ADAMTS6: variants seen among roughly 807,000 people sequenced by gnomAD.
ADAMTS6 encodes the protein A disintegrin and metalloproteinase with thrombospondin motifs 6.
A neutral mutation model predicts 144.3 loss-of-function variants in ADAMTS6; 23 were observed. That is an observed-to-expected ratio of 0.16 (90% confidence interval 0.11 to 0.23). The LOEUF (loss-of-function observed/expected upper bound fraction) is 0.23, where lower values mean the gene tolerates loss of function less well. Among genes scored for constraint, ADAMTS6 ranks in the 10% least tolerant of loss-of-function variants. The pLI is 1.00. For synonymous variants in ADAMTS6, 444 were observed against 457.5 expected (o/e 0.97, Z 0.38); for missense variants, 999 against 1,379.6 (o/e 0.72, Z 4.37).
intron 7 of ADAMTS6, among the ~76,000 whole-genome samples, chr5:65,430,537 A>G (rs1478653880): frequency 6.6e-6 from 1 of 152,180 alleles, no homozygotes. Context: ...GACAAGACCT[A>G]TAAACTTTTT....
chr5:65,217,169 A>G (rs1246518258), intron 18 of ADAMTS6, among the ~76,000 whole-genome samples: 1 of 152,230 alleles, frequency 6.6e-6, no homozygotes, highest in Admixed American at 6.5e-5. Flanking sequence ...GATAGGAACA[A>G]GCAAATAGAA....
intron 3 of ADAMTS6, among the ~76,000 whole-genome samples, chr5:65,466,239 T>G (rs1759990688): frequency 6.6e-6 from 1 of 152,212 alleles, no homozygotes; most frequent in Non-Finnish European, 1.5e-5. Context: ...CCAGTTTCCT[T>G]TCTGACCTCA....
At chr5:65,451,393 T>G in intron 7 of ADAMTS6, 82 bp downstream of exon 7, 20 of 1,517,632 alleles carry the variant, frequency 1.3e-5, no homozygotes, top group East Asian at 2.3e-5. Flanking sequence ...ATTATCTGAA[T>G]GAGGCTTTAC....
intron 7 of ADAMTS6, among the ~76,000 whole-genome samples, chr5:65,391,558 T>A (rs1214894666): frequency 6.6e-6 from 1 of 152,088 alleles, no homozygotes; most frequent in Non-Finnish European, 1.5e-5. Context: ...AAATTTACAT[T>A]GCAACACTTT....
intron 3 of ADAMTS6, among the ~76,000 whole-genome samples, chr5:65,465,749 CT>C (rs1197001989): frequency 1.3e-5 from 2 of 152,180 alleles, no homozygotes; most frequent in Admixed American, 1.3e-4. Flanking sequence ...GAAATATTTC[CT>C]TCTGGCTTCC....
intron 15 of ADAMTS6, among the ~76,000 whole-genome samples, chr5:65,230,626 T>C (rs1256161148): frequency 1.2e-4 from 13 of 109,020 alleles, no homozygotes; most frequent in Non-Finnish European, 1.9e-4. Flanking sequence ...AACACATATG[T>C]ATGAAATATA....
chr5:65,403,774 A>G (rs1045181578), intron 7 of ADAMTS6, among the ~76,000 whole-genome samples: 4 of 152,086 alleles, frequency 2.6e-5, no homozygotes, highest in Admixed American at 1.3e-4. Context: ...TACAAATAAT[A>G]TAACTCTCTA....
intron 9 of ADAMTS6, among the ~76,000 whole-genome samples, chr5:65,309,429 G>A (rs1744257968): frequency 6.8e-6 from 1 of 147,736 alleles, no homozygotes; most frequent in Non-Finnish European, 1.5e-5. Context: ...GACAGGAGGT[G>A]GAGCTCAGGC....
intron 7 of ADAMTS6, among the ~76,000 whole-genome samples, chr5:65,413,179 G>C (rs370887365): frequency 6.6e-6 from 1 of 152,088 alleles, no homozygotes; most frequent in Non-Finnish European, 1.5e-5. Flanking sequence ...ACTAAAACAG[G>C]CTCAGCGGGC....
chr5:65,462,352 A>G (rs1759691895), intron 3 of ADAMTS6, among the ~76,000 whole-genome samples: 1 of 152,208 alleles, frequency 6.6e-6, no homozygotes, highest in African/African-American at 2.4e-5. Context: ...ACCAGACAAG[A>G]GACTTGATTT....
intron 11 of ADAMTS6, among the ~76,000 whole-genome samples, chr5:65,287,794 T>C (rs184457541): frequency 2.6e-3 from 392 of 152,242 alleles, no homozygotes; most frequent in African/African-American, 8.7e-3. Context: ...GTTCCCAAAG[T>C]GCTGGGATTA....
intron 3 of ADAMTS6, among the ~76,000 whole-genome samples, chr5:65,468,737 A>T (rs1266216955): frequency 6.6e-6 from 1 of 152,216 alleles, no homozygotes; most frequent in Non-Finnish European, 1.5e-5. Context: ...CATCTCCTTC[A>T]TTGTAGAAAA....
chr5:65,176,866 G>A (rs1423822444), intron 22 of ADAMTS6, among the ~76,000 whole-genome samples: 4 of 152,192 alleles, frequency 2.6e-5, no homozygotes, highest in Admixed American at 6.5e-5. Flanking sequence ...AAAAATAGGT[G>A]CTAAAGGAAA....
chr5:65,445,642 C>T (rs1231146958), intron 7 of ADAMTS6, among the ~76,000 whole-genome samples: 1 of 152,034 alleles, frequency 6.6e-6, no homozygotes, highest in African/African-American at 2.4e-5. Context: ...ACACAGAGCC[C>T]CCCTCTTTCA....
chr5:65,462,273 T>TAG (rs767033770), intron 3 of ADAMTS6, among the ~76,000 whole-genome samples: 35 of 152,186 alleles, frequency 2.3e-4, no homozygotes, highest in Admixed American at 4.6e-4. Context: ...AAGCAAGGTC[T>TAG]AGGCTACAGT....
At chr5:65,404,895 G>C (rs1163461823) in intron 7 of ADAMTS6, among the ~76,000 whole-genome samples, 2 of 152,188 alleles carry the variant, frequency 1.3e-5, no homozygotes, top group Non-Finnish European at 1.5e-5. Flanking sequence ...CTGATGGCCA[G>C]TGATGATGAG....
intron 7 of ADAMTS6, among the ~76,000 whole-genome samples, chr5:65,371,330 G>A (rs1408810907): frequency 3.3e-5 from 5 of 152,220 alleles, no homozygotes; most frequent in African/African-American, 7.2e-5. Flanking sequence ...TCCGAACTAC[G>A]GGAGGACATT....
At chr5:65,216,810 C>CACACACACACACACACAG (rs1756957756) in intron 18 of ADAMTS6, among the ~76,000 whole-genome samples, 1 of 148,482 alleles carries the variant, frequency 6.7e-6, no homozygotes, top group Non-Finnish European at 1.5e-5. Context: ...CACACACACA[C>CACACACACACACACACAG]AGTTTAAAAG....
chr5:65,269,471 A>G (rs1431445191), intron 12 of ADAMTS6, among the ~76,000 whole-genome samples: 2 of 152,198 alleles, frequency 1.3e-5, no homozygotes, highest in Admixed American at 6.6e-5. Context: ...GTCACCACCT[A>G]GATTAGGCTT....
Sources: allele counts gnomAD v4.1 joint callset (sites outside exome capture counted in the v4.1 genomes callset), GRCh38; gene constraint gnomAD v4.1.1; transcripts MANE v1.5; gene names NCBI Gene and HGNC (gene_info 2026-07-23, HGNC 2026-07-21).